The following FNBP1L variants were observed in gnomAD, a reference collection of about 807,000 sequenced individuals.
The protein encoded by FNBP1L is formin binding protein 1 like, also known as formin-binding protein 1-like.
A neutral mutation model predicts 91.2 loss-of-function variants in FNBP1L; 36 were observed. That is an observed-to-expected ratio of 0.39 (90% confidence interval 0.30 to 0.52). The LOEUF is 0.52. Ranked by LOEUF, FNBP1L falls within the 20% of genes least tolerant of loss-of-function variation. The pLI is 0.66. For synonymous variants in FNBP1L, 242 were observed against 237.0 expected, an observed-to-expected ratio of 1.02 and a Z score of -0.19; for missense variants, 571 against 732.1, an observed-to-expected ratio of 0.78 and a Z score of 2.54.
chr1:93,459,978 T>TG lies in FNBP1L; in HGVS notation c.24+11673_24+11674insG, dbSNP rs1557774003. On this transcript the variant is annotated intron_variant, in intron 1 of 16. Coordinates refer to ENST00000271234, the MANE Select transcript of FNBP1L (RefSeq NM_001164473.3). ...GTGTGTGTGTGTGTGTGTGTGTGTG[T>TG]TTTTGGGATATTGAAATATTGGCAT... is the stretch of plus-strand genomic sequence containing the variant. Among the ~76,000 whole-genome samples, 593 of 125,726 alleles carry TG rather than the reference T, an allele frequency of 4.7e-3. 3 individuals are homozygous for TG. Among genetic ancestry groups the TG allele is most frequent in the East Asian group, 0.025 (79 of 3,220 alleles). 82.5% of individuals were successfully genotyped at this position (125,726 alleles called of 152,430 possible).
chr1:93,491,396 T>C (rs76166460), intron 1 of FNBP1L, among the ~76,000 whole-genome samples: 17 of 151,034 alleles, frequency 1.1e-4, no homozygotes, highest in African/African-American at 2.0e-4. Context: ...TTTTTTTTTT[T>C]CCCACCCCAA....
At chr1:93,545,851 T>A (rs1672205221) in intron 12 of FNBP1L, among the ~76,000 whole-genome samples, 1 of 146,770 alleles carries the variant, frequency 6.8e-6, no homozygotes, top group African/African-American at 2.5e-5. Context: ...GGAGGAAGCT[T>A]AAAAAAAAAA....
At chr1:93,463,340 C>G (rs1012299129) in intron 1 of FNBP1L, among the ~76,000 whole-genome samples, 1 of 152,112 alleles carries the variant, frequency 6.6e-6, no homozygotes, top group African/African-American at 2.4e-5. Flanking sequence ...ACTGCTGTAT[C>G]ATTTCTTTTA....
intron 2 of FNBP1L, among the ~76,000 whole-genome samples, chr1:93,519,974 A>G (rs1411774319): frequency 1.3e-5 from 2 of 152,252 alleles, no homozygotes; most frequent in African/African-American, 2.4e-5. Context: ...AGTGGCAACT[A>G]TGGGTTTCTT....
chr1:93,550,836 C>G (rs1333906185), intron 15 of FNBP1L, 111 bp from the exon 16 acceptor site: 7 of 1,062,674 alleles, frequency 6.6e-6, no homozygotes, highest in Non-Finnish European at 9.1e-6. Flanking sequence ...GTCAGTAGTT[C>G]CAGGTACATT....
chr1:93,543,996 A>G (rs1294434860), intron 11 of FNBP1L, 111 bp from the exon 12 acceptor site: 1 of 707,862 alleles, frequency 1.4e-6, no homozygotes, highest in Non-Finnish European at 2.1e-6. Context: ...GCTTGAGGCA[A>G]ATTTGAAATT....
intron 1 of FNBP1L, among the ~76,000 whole-genome samples, chr1:93,454,002 T>G (rs1668575810): frequency 6.6e-6 from 1 of 152,230 alleles, no homozygotes; most frequent in Non-Finnish European, 1.5e-5. Context: ...GGAAAATCTT[T>G]AGGAAGACTG....
intron 1 of FNBP1L, among the ~76,000 whole-genome samples, chr1:93,469,972 A>G (rs1669229621): frequency 6.6e-6 from 1 of 152,162 alleles, no homozygotes; most frequent in African/African-American, 2.4e-5. Context: ...CTTAAAAGAA[A>G]AAAAGAAAAG....
At chr1:93,496,762 C>T (rs1428329691) in intron 1 of FNBP1L, among the ~76,000 whole-genome samples, 8 of 151,994 alleles carry the variant, frequency 5.3e-5, no homozygotes, top group Admixed American at 5.2e-4. Flanking sequence ...AACTCCTGGC[C>T]TCGAATGAGT....
At position 93,541,113 on chromosome 1, in the gene FNBP1L, T is replaced by G; in HGVS notation, c.1164+57T>G. On this transcript the variant is annotated intron_variant, in intron 11 of 16. Coordinates refer to ENST00000271234, the MANE Select transcript of FNBP1L (RefSeq NM_001164473.3). ...CCAACATTAAGTAATCTCAAAACAT[T>G]GTTTTGTTTAATTCAAAACAAGTGG... 18 of 1,491,210 alleles carry G rather than the reference T, an allele frequency of 1.2e-5. No homozygotes were observed. The South Asian group carries it at 2.0e-4, about 16-fold the overall frequency. The allele number at this position is 1,491,210 out of a possible 1,614,324, so 92.4% of individuals were successfully genotyped here.
chr1:93,532,469 CAAAAAAAAAA>C (rs35188106), intron 7 of FNBP1L, among the ~76,000 whole-genome samples: 2 of 62,610 alleles, frequency 3.2e-5, no homozygotes, highest in African/African-American at 6.8e-5. Flanking sequence ...GACTCCGCCT[CAAAAAAAAAA>C]AAAAAAAAAA....
intron 8 of FNBP1L, 22 bp downstream of exon 8, chr1:93,533,090 T>C: frequency 6.2e-7 from 1 of 1,605,582 alleles, no homozygotes; most frequent in Non-Finnish European, 8.5e-7. Context: ...ATAATTATCT[T>C]TGAATGCATC....
At chr1:93,537,744 A>G (rs934995176) in intron 10 of FNBP1L, among the ~76,000 whole-genome samples, 1 of 152,150 alleles carries the variant, frequency 6.6e-6, no homozygotes, top group Non-Finnish European at 1.5e-5. Flanking sequence ...AGCTCTGAAC[A>G]CTTGTTTGAA....
intron 1 of FNBP1L, among the ~76,000 whole-genome samples, chr1:93,491,353 A>C (rs1452704692): frequency 6.6e-6 from 1 of 151,896 alleles, no homozygotes; most frequent in Non-Finnish European, 1.5e-5. Context: ...TTTGATCACT[A>C]ATAGTGTGAC....
At position 93,524,277 on chromosome 1, in the gene FNBP1L, G is replaced by A. The variant is rs1385479227; in HGVS notation, c.359G>A (p.Arg120Gln). Reference protein sequence around the residue: ...TERKMHLQEGRKAQQYLDMCW... With the variant: ...TERKMHLQEGQKAQQYLDMCW... ...AATCTTCAGCATCTGCAAGAAGGAC[G>A]AAAAGCTCAACAATATCTTGACATG... The change falls in exon 5 of 17, where the codon CGA becomes CAA. Residue 120 changes from arginine (R) to glutamine (Q), a missense_variant. Around this residue, in one of 5 missense-constraint regions of FNBP1L, gnomAD observed 220 missense variants for 313.6 expected, o/e 0.70. Transcript: ENST00000271234. 2 of 1,501,184 alleles carry A rather than the reference G, an allele frequency of 1.3e-6. No individual in the cohort carries two copies. The highest frequency in any genetic ancestry group is 1.4e-5 in the South Asian group (1 of 72,720). 93.0% of individuals were successfully genotyped at this position (1,501,184 alleles called of 1,614,324 possible).
chr1:93,475,882 G>A (rs1362207767), intron 1 of FNBP1L, among the ~76,000 whole-genome samples: 1 of 152,092 alleles, frequency 6.6e-6, no homozygotes, highest in African/African-American at 2.4e-5. Flanking sequence ...AAATATAATT[G>A]TGAAATCAGA....
intron 14 of FNBP1L, 78 bp downstream of exon 14, chr1:93,547,519 T>G (rs1672282116): frequency 8.1e-7 from 1 of 1,229,600 alleles, no homozygotes; most frequent in African/African-American, 1.5e-5. Flanking sequence ...ATACAATTCG[T>G]TTTTTTCTTC....
chr1:93,486,607 T>C (rs952816648), intron 1 of FNBP1L, among the ~76,000 whole-genome samples: 1 of 152,216 alleles, frequency 6.6e-6, no homozygotes, highest in Non-Finnish European at 1.5e-5. Flanking sequence ...TAATTCTTAA[T>C]TCAAAGACTT....
intron 1 of FNBP1L, among the ~76,000 whole-genome samples, chr1:93,465,887 A>G (rs954051860): frequency 6.6e-6 from 1 of 152,126 alleles, no homozygotes; most frequent in Admixed American, 6.6e-5. Context: ...CTTTTTAATG[A>G]TTGCCGTTCC....
Sources: gnomAD v4.1 joint callset for allele counts (sites outside exome capture counted in the v4.1 genomes callset) on GRCh38, gnomAD v4.1.1 for gene constraint, gnomAD v4.1.1 regional missense constraint, MANE v1.5 for transcripts, NCBI Gene and HGNC (gene_info 2026-07-23, HGNC 2026-07-21) for gene names.